The following GSG1L variants were observed in gnomAD, a reference collection of about 807,000 sequenced individuals.
The protein encoded by GSG1L is GSG1 like.
A neutral mutation model predicts 42.1 loss-of-function variants in GSG1L; 24 were observed. The ratio of observed to expected loss-of-function variants is 0.57; its 90% CI spans 0.41 to 0.80. The LOEUF is 0.80. Among genes scored for constraint, GSG1L ranks in the 30% least tolerant of loss-of-function variants. GSG1L has a pLI of 0.00. For synonymous variants in GSG1L, 215 were observed against 203.5 expected, an observed-to-expected ratio of 1.06 and a Z score of -0.48; for missense variants, 445 against 472.2, an observed-to-expected ratio of 0.94 and a Z score of 0.53.
chr16:27,962,352 C>G (rs1466956976), intron 2 of GSG1L, among the ~76,000 whole-genome samples: 3 of 152,162 alleles, frequency 2.0e-5, no homozygotes, highest in African/African-American at 7.2e-5. Flanking sequence ...TAGAGTTTGC[C>G]CTTCCTGCAT....
At chr16:28,007,515 G>GTTGGT (rs151170153) in intron 1 of GSG1L, among the ~76,000 whole-genome samples, 518 of 38,138 alleles carry the variant, frequency 0.014, 9 homozygotes, top group African/African-American at 0.075. Flanking sequence ...TGGTTGGTTG[G>GTTGGT]TGGTTGGTTG....
In GSG1L at chr16:27,964,106, C is replaced by T. The variant is rs150408110; in HGVS notation, c.350-903G>A. ...TCATACTTTGGGAGGCCGAGGCGGG[C>T]GGATCATGAGGTCAAGAGATGGAGA... On this transcript the variant is annotated intron_variant, in intron 1 of 6. Coordinates refer to ENST00000447459, the MANE Select transcript of GSG1L (RefSeq NM_001109763.2). 2.0e-3 allele frequency among the ~76,000 whole-genome samples: 311 copies of T among 151,930 alleles called. 10 individuals carry two copies. In the East Asian group the frequency reaches 0.042, roughly 20 times the overall value.
At chr16:27,875,280 C>T (rs531344759) in intron 3 of GSG1L, among the ~76,000 whole-genome samples, 1 of 152,246 alleles carries the variant, frequency 6.6e-6, no homozygotes, top group African/African-American at 2.4e-5. Flanking sequence ...CTTGAGTGAA[C>T]AGTTTTGGGG....
intron 5 of GSG1L, among the ~76,000 whole-genome samples, chr16:27,821,628 C>CGGT (rs2083151395): frequency 1.3e-5 from 2 of 152,026 alleles, no homozygotes; most frequent in African/African-American, 4.8e-5. Context: ...GGGCCGGGCG[C>CGGT]GGTGGCTCAC....
intron 1 of GSG1L, among the ~76,000 whole-genome samples, chr16:28,037,306 G>A (rs113257226): frequency 0.076 from 11,570 of 152,298 alleles, 514 homozygotes; most frequent in Admixed American, 0.13. Flanking sequence ...GATCACAGGC[G>A]TGAGCCACCA....
intron 1 of GSG1L, among the ~76,000 whole-genome samples, chr16:28,004,433 G>A (rs969355270): frequency 3.3e-5 from 5 of 150,328 alleles, no homozygotes; most frequent in South Asian, 2.1e-4. Context: ...GAAATCCAGA[G>A]AGCCAGAAGC....
At chr16:27,985,178 C>G (rs1352475566) in intron 1 of GSG1L, among the ~76,000 whole-genome samples, 1 of 152,120 alleles carries the variant, frequency 6.6e-6, no homozygotes, top group East Asian at 1.9e-4. Context: ...CCCTGAGACC[C>G]TGATAGAGTC....
chr16:27,872,780 G>C (rs146530012), intron 3 of GSG1L, among the ~76,000 whole-genome samples: 359 of 152,282 alleles, frequency 2.4e-3, no homozygotes, highest in African/African-American at 8.3e-3. Flanking sequence ...AGAGGTTACA[G>C]ATGCCATGGC....
chr16:27,830,581 C>A (rs2083263763), intron 4 of GSG1L, among the ~76,000 whole-genome samples: 1 of 152,132 alleles, frequency 6.6e-6, no homozygotes, highest in Admixed American at 6.5e-5. Flanking sequence ...TCCAGAAGCC[C>A]TGACTGTCTG....
intron 4 of GSG1L, among the ~76,000 whole-genome samples, chr16:27,839,927 G>A (rs1443899970): frequency 6.6e-6 from 1 of 152,254 alleles, no homozygotes; most frequent in Non-Finnish European, 1.5e-5. Context: ...CCCTGAAGGG[G>A]GATGGCAGCC....
intron 1 of GSG1L, among the ~76,000 whole-genome samples, chr16:28,014,323 G>A (rs1223214335): frequency 6.6e-6 from 1 of 152,184 alleles, no homozygotes; most frequent in African/African-American, 2.4e-5. Context: ...AGATCCACAC[G>A]TGCAGACACG....
intron 5 of GSG1L, among the ~76,000 whole-genome samples, chr16:27,819,499 G>A (rs967719719): frequency 3.3e-5 from 5 of 152,124 alleles, no homozygotes; most frequent in African/African-American, 7.2e-5. Flanking sequence ...GCACCCAGAC[G>A]ACGCCAGGAG....
intron 2 of GSG1L, among the ~76,000 whole-genome samples, chr16:27,899,375 C>T (rs770950893): frequency 2.0e-5 from 3 of 152,110 alleles, no homozygotes; most frequent in Admixed American, 6.5e-5. Flanking sequence ...CTCTGAGCCT[C>T]GATTTCCTCA....
chr16:27,814,689 A>G (rs1441583431), intron 5 of GSG1L, among the ~76,000 whole-genome samples: 11 of 92,258 alleles, frequency 1.2e-4, no homozygotes, highest in African/African-American at 4.0e-4. Flanking sequence ...CGTCTCAAGG[A>G]AAAAAAAAAA....
In GSG1L at chr16:27,817,877, C is replaced by A. The variant is rs186782170; in HGVS notation, c.831-10323G>T. On this transcript the variant is annotated intron_variant, in intron 5 of 6. Transcript: ENST00000447459. The stretch of plus-strand genomic sequence containing the variant: ...TTGAGTAGCACTGTTCTGTAAGGCC[C>A]TTTTCTCTCCTCTGGCCTTGGCTGG... Among the ~76,000 whole-genome samples, 22 of 152,306 alleles carry A rather than the reference C, an allele frequency of 1.4e-4. No individual in the cohort carries two copies. The East Asian group carries it at 3.7e-3, about 25-fold the overall frequency.
chr16:27,796,111 G>A (rs2082815105), intron 6 of GSG1L, among the ~76,000 whole-genome samples: 1 of 152,148 alleles, frequency 6.6e-6, no homozygotes, highest in Non-Finnish European at 1.5e-5. Flanking sequence ...TGATGCTCCT[G>A]ACCCTACAGT....
At chr16:28,013,950 C>T (rs1045091998) in intron 1 of GSG1L, among the ~76,000 whole-genome samples, 5 of 152,216 alleles carry the variant, frequency 3.3e-5, no homozygotes, top group Non-Finnish European at 7.3e-5. Flanking sequence ...TGCCCTAGGG[C>T]ATACAGAGCA....
chr16:27,904,150 C>T (rs2141045219), intron 2 of GSG1L, among the ~76,000 whole-genome samples: 1 of 152,210 alleles, frequency 6.6e-6, no homozygotes, highest in African/African-American at 2.4e-5. Flanking sequence ...TCACTGTAAC[C>T]TTGAATTCCT....
At chr16:27,902,714 C>A (rs1227036295) in intron 2 of GSG1L, among the ~76,000 whole-genome samples, 2 of 152,194 alleles carry the variant, frequency 1.3e-5, no homozygotes, top group Non-Finnish European at 2.9e-5. Context: ...CCTCCGCTTA[C>A]CAGCAGGGTG....
Sources: gnomAD v4.1 joint callset for allele counts (sites outside exome capture counted in the v4.1 genomes callset) on GRCh38, gnomAD v4.1.1 for gene constraint, MANE v1.5 for transcripts, NCBI Gene and HGNC (gene_info 2026-07-23, HGNC 2026-07-21) for gene names.